The following NTNG1 variants were observed in gnomAD, a reference collection of about 807,000 sequenced individuals.
The protein encoded by NTNG1 is netrin-G1.
In NTNG1, 16 loss-of-function variants were observed where a neutral mutation model predicts 54.0. The observed-to-expected ratio is 0.30, with a 90% CI of 0.20 to 0.45. The LOEUF (loss-of-function observed/expected upper bound fraction) is 0.45. NTNG1 is among the 20% of genes least tolerant of loss of function. The pLI is 1.00. For missense variants in NTNG1, 530 were observed against 678.7 expected, an observed-to-expected ratio of 0.78 and a Z score of 2.43; for synonymous variants, 255 against 263.1, an observed-to-expected ratio of 0.97 and a Z score of 0.30.
chr1:107,473,240 A>C (rs145962141), intron 7 of NTNG1, among the ~76,000 whole-genome samples: 2,140 of 152,276 alleles, frequency 0.014, 20 homozygotes, highest in Middle Eastern at 0.051. Flanking sequence ...ATAAATACAG[A>C]CCCAGCATTG....
intron 3 of NTNG1, among the ~76,000 whole-genome samples, chr1:107,341,284 CT>C (rs1297856405): frequency 6.6e-6 from 1 of 151,944 alleles, no homozygotes; most frequent in Non-Finnish European, 1.5e-5. Flanking sequence ...TATATTAATT[CT>C]ACTATATAAT....
rs1672602816 is a variant in NTNG1, at chr1:107,395,179, G to C, written c.913G>C (p.Val305Leu). 3.7e-6 allele frequency: 6 copies of C among 1,613,254 alleles called. No homozygotes were observed. The highest frequency in any genetic ancestry group is 1.7e-5 in the Admixed American group (1 of 59,948). The stretch of plus-strand genomic sequence containing the variant: ...GTGCAAGTGTAATCTCCATGCCACT[G>C]TATGTGTGTATGACAACAGCAAATT... ...GRCKCNLHATVCVYDNSKLTC... is the reference protein window; with the variant it reads ...GRCKCNLHATLCVYDNSKLTC... Residue 305 changes from valine to leucine, a missense_variant, in exon 4 of 8, where the codon GTA becomes CTA. Coordinates refer to ENST00000370068, the MANE Select transcript of NTNG1 (RefSeq NM_001113226.3).
chr1:107,148,415 C>T lies in NTNG1; in HGVS notation c.-179C>T. On this transcript the variant is annotated 5_prime_UTR_variant, in exon 2 of 8. Transcript: ENST00000370068. ...CCTGAATACGCACAATATCTTAACTCTTCATATTTGGTTTTGGGATCTGCT... is the reference window on the plus strand; with the variant it reads ...CCTGAATACGCACAATATCTTAACTTTTCATATTTGGTTTTGGGATCTGCT... The T allele has an allele frequency of 3.3e-6, 2 of 599,298 alleles. No homozygotes were observed. The highest frequency in any genetic ancestry group is 2.1e-5 in the South Asian group (1 of 48,678). 37.1% of individuals were successfully genotyped at this position (599,298 alleles called of 1,614,324 possible).
intron 2 of NTNG1, among the ~76,000 whole-genome samples, chr1:107,260,538 C>T (rs1029589459): frequency 2.4e-4 from 37 of 152,144 alleles, no homozygotes; most frequent in African/African-American, 8.9e-4. Flanking sequence ...CCTGGAGTCA[C>T]GTGCCCGTAG....
chr1:107,218,079 T>A (rs1407118298), intron 2 of NTNG1, among the ~76,000 whole-genome samples: 1 of 152,156 alleles, frequency 6.6e-6, no homozygotes, highest in Non-Finnish European at 1.5e-5. Flanking sequence ...GCTGTCTGTC[T>A]CAGCAACACA....
chr1:107,476,035 A>C (rs1207177285), intron 7 of NTNG1, among the ~76,000 whole-genome samples: 1 of 152,220 alleles, frequency 6.6e-6, no homozygotes, highest in Non-Finnish European at 1.5e-5. Flanking sequence ...CCCTTATGAC[A>C]GAGTCAATCA....
chr1:107,449,720 T>TA (rs35613778), intron 7 of NTNG1, among the ~76,000 whole-genome samples: 83,193 of 145,552 alleles, frequency 0.57, 23,697 homozygotes, highest in Middle Eastern at 0.62. Flanking sequence ...TCTGCTGGAT[T>TA]AAAAAAAAAA....
intron 7 of NTNG1, among the ~76,000 whole-genome samples, chr1:107,441,536 T>G (rs1349445909): frequency 1.3e-5 from 2 of 152,152 alleles, no homozygotes; most frequent in African/African-American, 4.8e-5. Context: ...ACAGATCACA[T>G]CCTTTTCTGA....
chr1:107,283,977 G>A (rs1665031337), intron 2 of NTNG1, among the ~76,000 whole-genome samples: 1 of 152,116 alleles, frequency 6.6e-6, no homozygotes, highest in African/African-American at 2.4e-5. Context: ...TTCAAATGCT[G>A]TCTCTTCAGA....
intron 3 of NTNG1, among the ~76,000 whole-genome samples, chr1:107,384,449 A>G (rs142376911): frequency 1.6e-4 from 24 of 152,236 alleles, no homozygotes; most frequent in Non-Finnish European, 2.8e-4. Context: ...CTCTCTCTCT[A>G]TATATATGAC....
chr1:107,414,217 T>C (rs558009), intron 5 of NTNG1, among the ~76,000 whole-genome samples: 140,001 of 152,146 alleles, frequency 0.92, 65,219 homozygotes, highest in Non-Finnish European at 0.99. Context: ...CAGTGAGCTT[T>C]CCTTGGGTGC....
intron 6 of NTNG1, among the ~76,000 whole-genome samples, chr1:107,432,651 A>G (rs1292884946): frequency 6.6e-6 from 1 of 152,192 alleles, no homozygotes; most frequent in Non-Finnish European, 1.5e-5. Context: ...CATGCTATAG[A>G]TAGGTAAACA....
chr1:107,290,253 C>T (rs903133727), intron 2 of NTNG1, among the ~76,000 whole-genome samples: 1 of 152,176 alleles, frequency 6.6e-6, no homozygotes, highest in African/African-American at 2.4e-5. Context: ...AATTATCTCA[C>T]AATTCATTGA....
chr1:107,265,505 T>C (rs1663675771), intron 2 of NTNG1, among the ~76,000 whole-genome samples: 1 of 152,094 alleles, frequency 6.6e-6, no homozygotes, highest in African/African-American at 2.4e-5. Context: ...AAATTCTCCA[T>C]TGTGAGTTAA....
At chr1:107,307,111 T>C (rs1033037356) in intron 2 of NTNG1, among the ~76,000 whole-genome samples, 16 of 152,230 alleles carry the variant, frequency 1.1e-4, no homozygotes, top group Non-Finnish European at 2.1e-4. Context: ...ATAGGTATGA[T>C]AGTACAATCA....
chr1:107,455,699 C>A (rs1676911960), intron 7 of NTNG1: 6 of 433,570 alleles, frequency 1.4e-5, no homozygotes, highest in Non-Finnish European at 2.4e-5. Flanking sequence ...GAGAGCATGA[C>A]AAGAACAATA....
intron 2 of NTNG1, among the ~76,000 whole-genome samples, chr1:107,241,845 A>G (rs1661850450): frequency 6.6e-6 from 1 of 152,176 alleles, no homozygotes; most frequent in African/African-American, 2.4e-5. Flanking sequence ...TTGAACCATC[A>G]GTTTTACTTT....
chr1:107,237,005 A>T (rs1485684707), intron 2 of NTNG1, among the ~76,000 whole-genome samples: 1 of 152,228 alleles, frequency 6.6e-6, no homozygotes, highest in Non-Finnish European at 1.5e-5. Context: ...CTTTGGAACT[A>T]GGTAACAGGC....
At chr1:107,316,461 T>C (rs1314237662) in intron 2 of NTNG1, among the ~76,000 whole-genome samples, 1 of 152,210 alleles carries the variant, frequency 6.6e-6, no homozygotes, top group African/African-American at 2.4e-5. Flanking sequence ...TTCCCAAGCC[T>C]CCTAGACTTC....
Sources: allele counts gnomAD v4.1 joint callset (sites outside exome capture counted in the v4.1 genomes callset), GRCh38; gene constraint gnomAD v4.1.1; transcripts MANE v1.5; gene names NCBI Gene and HGNC (gene_info 2026-07-23, HGNC 2026-07-21).